The following SP110 variants were observed in gnomAD, a reference collection of about 807,000 sequenced individuals.
SP110 encodes the protein SP110 nuclear body protein.
Under a neutral mutation model 92.7 loss-of-function variants are expected in SP110, and 62 were observed. That is an observed-to-expected ratio of 0.67 (90% CI 0.55 to 0.83). The LOEUF (loss-of-function observed/expected upper bound fraction) is 0.83. Among genes scored for constraint, SP110 ranks in the 40% least tolerant of loss-of-function variants. The probability of loss-of-function intolerance (pLI) is 0.00; values close to 1 mark genes in which losing one functional copy is unlikely to be tolerated. For missense variants in SP110, 793 were observed against 863.9 expected, an observed-to-expected ratio of 0.92 and a Z score of 1.03; for synonymous variants, 273 against 305.3, an observed-to-expected ratio of 0.89 and a Z score of 1.10.
chr2:230,185,299 C>T (rs1366456281), intron 11 of SP110, among the ~76,000 whole-genome samples: 1 of 152,192 alleles, frequency 6.6e-6, no homozygotes, highest in African/African-American at 2.4e-5. Flanking sequence ...ATTCCTGAGT[C>T]CACAGGCAGG....
intron 8 of SP110, chr2:230,203,104 C>A: frequency 3.2e-6 from 1 of 308,920 alleles, no homozygotes; most frequent in South Asian, 3.1e-5. Context: ...GGTTCCCCCA[C>A]GGCCTGTGTG....
chr2:230,179,788 A>G (rs760561337), intron 12 of SP110, among the ~76,000 whole-genome samples: 2 of 151,918 alleles, frequency 1.3e-5, no homozygotes, highest in African/African-American at 4.8e-5. Context: ...CACATTCACA[A>G]GCAGATGAGG....
intron 7 of SP110, among the ~76,000 whole-genome samples, chr2:230,209,221 T>C (rs1397887115): frequency 1.3e-5 from 2 of 152,122 alleles, no homozygotes; most frequent in African/African-American, 2.4e-5. Flanking sequence ...ATAGGGTCTA[T>C]AGCTTGCCTT....
Position 230,170,870 on chromosome 2 carries a change from C to T in SP110, c.1888-109G>A. ...ATTTCCAGGGTCATAATGATAATACCATTTGACCTCTTTAAGCCAGCTATT... is the reference window on the plus strand; with the variant it reads ...ATTTCCAGGGTCATAATGATAATACTATTTGACCTCTTTAAGCCAGCTATT... On this transcript the variant is annotated intron_variant, in intron 17 of 18. Transcript: ENST00000258381. 4.4e-6 allele frequency: 5 copies of T among 1,132,390 alleles called. 1 individual carries two copies. In the South Asian group the frequency reaches 5.2e-5, roughly 12 times the overall value. 70.1% of individuals were successfully genotyped at this position (1,132,390 alleles called of 1,614,324 possible). A position where few individuals can be genotyped will look rare whatever the true frequency, so the allele number is the denominator to read the frequency against.
chr2:230,198,282 A>G (rs956061927), intron 10 of SP110, among the ~76,000 whole-genome samples: 1 of 152,120 alleles, frequency 6.6e-6, no homozygotes, highest in African/African-American at 2.4e-5. Context: ...CAGAAGTGAC[A>G]CCCATCTCTC....
chr2:230,223,985 G>A (rs2046032278), upstream of SP110, among the ~76,000 whole-genome samples: 1 of 152,184 alleles, frequency 6.6e-6, no homozygotes, highest in Admixed American at 6.5e-5. Context: ...AACCAGAGAT[G>A]GTCTGATGGT....
intron 10 of SP110, among the ~76,000 whole-genome samples, chr2:230,191,095 G>T (rs1388457580): frequency 6.6e-6 from 1 of 152,050 alleles, no homozygotes; most frequent in African/African-American, 2.4e-5. Context: ...ATTCTGTGAA[G>T]AATGTAGAGA....
At chr2:230,221,795 A>T (rs898328217), upstream of SP110, 24 of 1,383,592 alleles carry the variant, frequency 1.7e-5, 1 homozygote, top group Admixed American at 4.8e-4. Context: ...CTATTCAGAG[A>T]TACACCAGGC....
Position 230,214,995 on chromosome 2 carries a change from G to A in SP110, c.271C>T (p.Arg91Cys), listed in dbSNP as rs201053153. 3.7e-5 allele frequency: 59 copies of A among 1,613,714 alleles called. No homozygotes were observed. The highest frequency in any genetic ancestry group is 4.0e-5 in the Non-Finnish European group (47 of 1,179,758). The change falls in exon 3 of 19, where the codon CGT becomes TGT. Residue 91 changes from arginine (R) to cysteine (C), a missense_variant. By Grantham distance (180) the Arg-to-Cys change is radical. Transcript: ENST00000258381. ...ATCGTCACCAGATTGGGATATTCAC[G>A]CAGGTTAATTTGACTGAACAATGTC... ...LVTLFSQINLREYPNLVTIYR... is the reference protein window; with the variant it reads ...LVTLFSQINLCEYPNLVTIYR...
chr2:230,222,229 C>CAAA (rs1204772131), upstream of SP110, among the ~76,000 whole-genome samples: 7 of 77,276 alleles, frequency 9.1e-5, no homozygotes, highest in East Asian at 7.5e-4. Flanking sequence ...GATCCCGCCT[C>CAAA]AAAAAAAAAA....
Position 230,180,081 on chromosome 2 carries a change from G to A in SP110, c.1349-1826C>T, listed in dbSNP as rs571130138. ...TGGGGGATGCTTGGGGCTCTCTAACGGCAGCTGGCTTGTTTGAAAGGTGAG... is the reference window on the plus strand; with the variant it reads ...TGGGGGATGCTTGGGGCTCTCTAACAGCAGCTGGCTTGTTTGAAAGGTGAG... On this transcript the variant is annotated intron_variant, in intron 12 of 18. Coordinates refer to ENST00000258381, the MANE Select transcript of SP110 (RefSeq NM_080424.4). Among the ~76,000 whole-genome samples, 3 of 152,142 alleles carry A rather than the reference G, an allele frequency of 2.0e-5. 1 individual carries two copies. Among genetic ancestry groups the A allele is most frequent in the South Asian group, 4.1e-4 (2 of 4,832 alleles).
intron 14 of SP110, among the ~76,000 whole-genome samples, chr2:230,174,545 C>CA (rs200827684): frequency 5.7e-4 from 86 of 151,308 alleles, no homozygotes; most frequent in African/African-American, 1.5e-3. Flanking sequence ...GCTTCTGATA[C>CA]AAAAAAAAAC....
At position 230,207,964 on chromosome 2, in the gene SP110, C is replaced by T. The variant is rs1228982778; in HGVS notation, c.898+27G>A. On this transcript the variant is annotated intron_variant, in intron 8 of 18. Transcript: ENST00000258381. ...CCCTGCATGAGCTGTTTCCAGCCTC[C>T]AGCTTCCTCTTGTACTCTCATCTTA... The T allele has an allele frequency of 5.0e-6, 6 of 1,208,284 alleles. No individual in the cohort carries two copies. In the South Asian group the frequency reaches 6.2e-5, roughly 12 times the overall value. The allele number at this position is 1,208,284 out of a possible 1,614,324, so 74.8% of individuals were successfully genotyped here.
chr2:230,182,098 C>T (rs747544409), intron 12 of SP110, among the ~76,000 whole-genome samples: 1 of 152,202 alleles, frequency 6.6e-6, no homozygotes, highest in Non-Finnish European at 1.5e-5. Context: ...ATATGTGGTA[C>T]ATATACACCA....
chr2:230,223,183 C>G (rs1170949176), upstream of SP110, among the ~76,000 whole-genome samples: 1 of 151,924 alleles, frequency 6.6e-6, no homozygotes, highest in African/African-American at 2.4e-5. Context: ...ACTACAGGCA[C>G]GCATCACCAT....
chr2:230,195,719 G>A (rs73000348), intron 10 of SP110, among the ~76,000 whole-genome samples: 12,045 of 152,018 alleles, frequency 0.079, 659 homozygotes, highest in South Asian at 0.25. Flanking sequence ...AAAATTCAGG[G>A]CCAGAAATTA....
intron 12 of SP110, 150 bp from the exon 13 acceptor site, chr2:230,178,405 T>A: frequency 1.5e-6 from 1 of 651,652 alleles, no homozygotes; most frequent in South Asian, 1.6e-5. Context: ...GAGTGACAGA[T>A]AAGCTATGTG....
rs138816227 is a variant in SP110, at chr2:230,172,345, G to A, written c.1707-171C>T. 3.6e-5 allele frequency: 24 copies of A among 669,750 alleles called. 1 individual carries two copies. The highest frequency in any genetic ancestry group is 3.9e-4 in the Middle Eastern group (1 of 2,570). The allele number at this position is 669,750 out of a possible 1,614,324, so 41.5% of individuals were successfully genotyped here. On this transcript the variant is annotated intron_variant, in intron 15 of 18. Transcript: ENST00000258381. ...GGTCTCCAGCATTGGCCCTTCCCTCGCATCAGTGGTAGCGGCAGGCGGGCA... is the reference window on the plus strand; with the variant it reads ...GGTCTCCAGCATTGGCCCTTCCCTCACATCAGTGGTAGCGGCAGGCGGGCA...
At chr2:230,199,084 G>A (rs1195279153) in intron 10 of SP110, among the ~76,000 whole-genome samples, 1 of 150,856 alleles carries the variant, frequency 6.6e-6, no homozygotes, top group Non-Finnish European at 1.5e-5. Flanking sequence ...ACCCTACAGT[G>A]TATGACACCA....
Sources: gnomAD v4.1 joint callset for allele counts (sites outside exome capture counted in the v4.1 genomes callset) on GRCh38, gnomAD v4.1.1 for gene constraint, MANE v1.5 for transcripts, NCBI Gene and HGNC (gene_info 2026-07-23, HGNC 2026-07-21) for gene names.